Variants in WRN observed in about 807,000 individuals in gnomAD.
WRN encodes the protein bifunctional 3'-5' exonuclease/ATP-dependent helicase WRN.
A neutral mutation model predicts 180.7 loss-of-function variants in WRN; 149 were observed. That is an observed-to-expected ratio of 0.82 (90% CI 0.72 to 0.94). The LOEUF is 0.94. Among genes scored for constraint, WRN ranks in the 40% least tolerant of loss-of-function variants. The pLI is 0.00. For synonymous variants in WRN, 548 were observed against 568.9 expected, an observed-to-expected ratio of 0.96 and a Z score of 0.52; for missense variants, 1,661 against 1,700.1, an observed-to-expected ratio of 0.98 and a Z score of 0.40.
chr8:31,087,527 C>T, intron 11 of WRN: 1 of 386,376 alleles, frequency 2.6e-6, no homozygotes, highest in East Asian at 4.7e-5. Flanking sequence ...TCCCCAGGGG[C>T]AGTTTATTAT....
chr8:31,096,826 C>G lies in WRN; in HGVS notation c.1957C>G (p.Leu653Val), dbSNP rs373177461. ...PEYCSGNMGL[L>V]QQLEADIGIT... Reference sequence around the variant, plus strand: ...ATACTGTTCAGGTAACATGGGCCTGCTCCAGCAACTTGAGGCTGATATTGG... The same window carrying G: ...ATACTGTTCAGGTAACATGGGCCTGGTCCAGCAACTTGAGGCTGATATTGG... The change falls in exon 17 of 35, where the codon CTC (leucine) becomes GTC (valine). Residue 653 changes from leucine to valine, a missense_variant. Transcript: ENST00000298139. The G allele has an allele frequency of 7.4e-6, 12 of 1,613,038 alleles. No individual in the cohort carries two copies. The highest frequency in any genetic ancestry group is 7.6e-6 in the Non-Finnish European group (9 of 1,179,794).
chr8:31,034,231 C>G (rs1811355810), intron 1 of WRN, among the ~76,000 whole-genome samples: 1 of 152,098 alleles, frequency 6.6e-6, no homozygotes, highest in Non-Finnish European at 1.5e-5. Context: ...ACCTTGCGCG[C>G]TTAGTTAGGA....
chr8:31,047,762 A>G (rs1478764000), intron 1 of WRN, among the ~76,000 whole-genome samples: 1 of 152,212 alleles, frequency 6.6e-6, no homozygotes, highest in Non-Finnish European at 1.5e-5. Context: ...CTTTCCCTGC[A>G]ATTTCCCGGT....
intron 16 of WRN, among the ~76,000 whole-genome samples, chr8:31,093,221 T>C (rs1046309505): frequency 6.6e-6 from 1 of 152,202 alleles, no homozygotes; most frequent in South Asian, 2.1e-4. Context: ...GAGACACATA[T>C]AAGTCTTTGT....
At chr8:31,073,721 A>G (rs1254334578) in intron 7 of WRN, among the ~76,000 whole-genome samples, 3 of 152,126 alleles carry the variant, frequency 2.0e-5, no homozygotes, top group African/African-American at 7.2e-5. Flanking sequence ...ATGAGGAGAG[A>G]GCAGCAAAGA....
At chr8:31,106,785 GTTC>G (rs36107858) in intron 18 of WRN, among the ~76,000 whole-genome samples, 52,357 of 151,884 alleles carry the variant, frequency 0.34, 9,229 homozygotes, top group South Asian at 0.42. Context: ...TTTTCTGTGA[GTTC>G]TTCTTCACTA....
At chr8:31,170,452 C>T (rs1444982345) in intron 34 of WRN, among the ~76,000 whole-genome samples, 1 of 152,092 alleles carries the variant, frequency 6.6e-6, no homozygotes, top group Non-Finnish European at 1.5e-5. Flanking sequence ...TGCTCATTCA[C>T]AGGTAAAATT....
At position 31,163,385 on chromosome 8, in the gene WRN, TC is replaced by T. The variant is rs369540721; in HGVS notation, c.3983-3635del. 1.1e-3 allele frequency among the ~76,000 whole-genome samples: 171 copies of T among 152,334 alleles called. 1 individual carries two copies. Among genetic ancestry groups the T allele is most frequent in the African/African-American group, 3.8e-3 (159 of 41,580 alleles). ...ACTGGAAATCATTACACTTTCCCTT[TC>T]CTATCCCCACCCTGTTTTGGAGAGA... On this transcript the variant is annotated intron_variant, in intron 33 of 34. Coordinates refer to ENST00000298139, the MANE Select transcript of WRN (RefSeq NM_000553.6).
intron 28 of WRN, among the ~76,000 whole-genome samples, chr8:31,146,638 T>C (rs568975733): frequency 6.6e-6 from 1 of 152,298 alleles, no homozygotes; most frequent in South Asian, 2.1e-4. Flanking sequence ...AAATCTATGA[T>C]GTTATAGCAA....
At chr8:31,040,514 A>C (rs958293542) in intron 1 of WRN, among the ~76,000 whole-genome samples, 3 of 152,220 alleles carry the variant, frequency 2.0e-5, no homozygotes, top group Non-Finnish European at 4.4e-5. Context: ...AAAGGGATTG[A>C]TATAGATGGA....
chr8:31,103,442 T>A lies in WRN; in HGVS notation c.2088+2487T>A, dbSNP rs568118007. 3.3e-5 allele frequency among the ~76,000 whole-genome samples: 5 copies of A among 152,314 alleles called. No homozygotes were observed. The East Asian group carries it at 9.6e-4, about 29-fold the overall frequency. On this transcript the variant is annotated intron_variant, in intron 18 of 34. Coordinates refer to ENST00000298139, the MANE Select transcript of WRN (RefSeq NM_000553.6). ...GTGAGCAGTGCCTTGTGCTAAGACA[T>A]TATGCTGGCTATGACATCACTTGGT...
intron 18 of WRN, among the ~76,000 whole-genome samples, chr8:31,109,123 A>G (rs540615074): frequency 1.2e-4 from 19 of 152,278 alleles, no homozygotes; most frequent in African/African-American, 4.1e-4. Flanking sequence ...CCCCAGAACT[A>G]CCAGCTGTAG....
At chr8:31,082,249 A>C (rs1183222539) in intron 9 of WRN, among the ~76,000 whole-genome samples, 2 of 152,130 alleles carry the variant, frequency 1.3e-5, no homozygotes, top group African/African-American at 4.8e-5. Flanking sequence ...TATTCTCTGA[A>C]ATTTTATATT....
At chr8:31,066,154 A>G (rs1185503908) in intron 5 of WRN, among the ~76,000 whole-genome samples, 1 of 151,908 alleles carries the variant, frequency 6.6e-6, no homozygotes, top group African/African-American at 2.4e-5. Flanking sequence ...CTGAGATTGC[A>G]GGCGTGAGCC....
intron 7 of WRN, among the ~76,000 whole-genome samples, chr8:31,072,763 A>T (rs531505230): frequency 4.6e-5 from 7 of 152,350 alleles, no homozygotes; most frequent in African/African-American, 1.4e-4. Context: ...TTGGGTGCTT[A>T]TGTGTCAGGC....
chr8:31,131,762 A>C (rs1802183785), intron 23 of WRN: 1 of 153,002 alleles, frequency 6.5e-6, no homozygotes, highest in African/African-American at 2.4e-5. Flanking sequence ...TGAACCTTCA[A>C]ATGAACATTA....
chr8:31,072,105 T>C lies in WRN; in HGVS notation c.724+3778T>C, dbSNP rs540467255. Among the ~76,000 whole-genome samples the C allele has an allele frequency of 7.2e-5, 11 of 152,312 alleles. No homozygotes were observed. The South Asian group carries it at 1.9e-3, about 26-fold the overall frequency. ...GGGACTGAGAATCCCGAGGAACTCT[T>C]AGTGTTGAACATTTGCGTGGAGGAG... On this transcript the variant is annotated intron_variant, in intron 7 of 34. Coordinates refer to ENST00000298139, the MANE Select transcript of WRN (RefSeq NM_000553.6).
Position 31,081,013 on chromosome 8 carries a change from A to G in WRN, c.986A>G (p.Gln329Arg), listed in dbSNP as rs4987237. Residue 329 changes from glutamine to arginine, a missense_variant, in exon 9 of 35, where the codon CAA becomes CGA. Gln to Arg is a conservative substitution (Grantham distance 43, BLOSUM62 1). Transcript: ENST00000298139. ...SFEDSTTGGV[Q>R]QKQIREHEVL... is the part of the protein sequence containing the mutation. ...GAAGATTCAACTACTGGGGGAGTAC[A>G]ACAGAAACAAATTAGAGAACATGAA... The G allele has an allele frequency of 6.2e-7, 1 of 1,614,056 alleles. No homozygotes were observed. The highest frequency in any genetic ancestry group is 8.5e-7 in the Non-Finnish European group (1 of 1,179,964).
In WRN at chr8:31,096,834, A is replaced by G. The variant is rs1481338220; in HGVS notation, c.1965A>G (p.Gln655=). The change falls in exon 17 of 35, where the codon CAA becomes CAG. Residue 655 remains glutamine (Q), a synonymous_variant. Coordinates refer to ENST00000298139, the MANE Select transcript of WRN (RefSeq NM_000553.6). ...YCSGNMGLLQ[Q]LEADIGITLI... ...CAGGTAACATGGGCCTGCTCCAGCA[A>G]CTTGAGGCTGATATTGGTAAGTGAT... The G allele has an allele frequency of 1.2e-6, 2 of 1,613,354 alleles. No homozygotes were observed. Among genetic ancestry groups the G allele is most frequent in the South Asian group, 1.1e-5 (1 of 91,074 alleles).
Sources: gnomAD v4.1 joint callset for allele counts (sites outside exome capture counted in the v4.1 genomes callset) on GRCh38, gnomAD v4.1.1 for gene constraint, MANE v1.5 for transcripts, NCBI Gene and HGNC (gene_info 2026-07-23, HGNC 2026-07-21) for gene names.